The following ABCC8 variants were observed in gnomAD, a reference collection of about 807,000 sequenced individuals.
ABCC8 encodes ATP-binding cassette sub-family C member 8.
In ABCC8, 137 loss-of-function variants were observed where a neutral mutation model predicts 188.0. The ratio of observed to expected loss-of-function variants is 0.73; its 90% confidence interval spans 0.63 to 0.84. ABCC8 has a LOEUF of 0.84. Among genes scored for constraint, ABCC8 ranks in the 40% least tolerant of loss-of-function variants. The pLI is 0.00. For synonymous variants in ABCC8, 797 were observed against 846.5 expected (o/e 0.94, Z 1.01); for missense variants, 1,750 against 2,072.7 (o/e 0.84, Z 3.02).
At chr11:17,465,988 C>G (rs1190654401) in intron 3 of ABCC8, among the ~76,000 whole-genome samples, 1 of 152,116 alleles carries the variant, frequency 6.6e-6, no homozygotes, top group Non-Finnish European at 1.5e-5. Context: ...AATAGATAAA[C>G]AAAATGTGGC....
chr11:17,460,402 G>A, intron 6 of ABCC8, 86 bp downstream of exon 6: 2 of 1,596,296 alleles, frequency 1.3e-6, no homozygotes, highest in Admixed American at 1.7e-5. Context: ...GTGTGGCCAT[G>A]GCTCACACAC....
At chr11:17,405,901 GCCTGCCGGCTGGCTGA>G (rs1954493815) in intron 26 of ABCC8, among the ~76,000 whole-genome samples, 1 of 152,234 alleles carries the variant, frequency 6.6e-6, no homozygotes, top group East Asian at 1.9e-4. Context: ...CCTGGGGACA[GCCTGCCGGCTGGCTGA>G]CCCAGAGTCA....
intron 12 of ABCC8, 114 bp downstream of exon 12, chr11:17,430,700 C>T (rs1052263158): frequency 4.3e-5 from 54 of 1,245,844 alleles, no homozygotes; most frequent in Non-Finnish European, 6.2e-5. Flanking sequence ...CAAGGCCCAG[C>T]AATGGGGGTG....
chr11:17,431,800 G>A (rs7128339), intron 11 of ABCC8, among the ~76,000 whole-genome samples: 2,696 of 152,218 alleles, frequency 0.018, 93 homozygotes, highest in African/African-American at 0.063. Context: ...ACATATCATA[G>A]GCCTTAAAAA....
chr11:17,429,793 C>A (rs1591801887), intron 12 of ABCC8: 1 of 152,206 alleles, frequency 6.6e-6, no homozygotes, highest in Admixed American at 6.5e-5. Context: ...GTCAGCACAG[C>A]CGACTGTGGA....
At chr11:17,419,490 G>A (rs1054200714) in intron 16 of ABCC8, among the ~76,000 whole-genome samples, 4 of 152,262 alleles carry the variant, frequency 2.6e-5, no homozygotes, top group African/African-American at 9.6e-5. Context: ...TTGGGGAAAA[G>A]TAAACACAAA....
At chr11:17,457,218 T>G (rs1957027089) in intron 6 of ABCC8, among the ~76,000 whole-genome samples, 1 of 152,054 alleles carries the variant, frequency 6.6e-6, no homozygotes, top group African/African-American at 2.4e-5. Flanking sequence ...ATTAAGTCAC[T>G]CATAATGATA....
At chr11:17,454,280 G>A (rs1279143386) in intron 6 of ABCC8, among the ~76,000 whole-genome samples, 1 of 152,178 alleles carries the variant, frequency 6.6e-6, no homozygotes, top group Non-Finnish European at 1.5e-5. Context: ...TTGGATCAGA[G>A]CTTCCTGATG....
In ABCC8 at chr11:17,414,999, A is replaced by G. The variant is rs375723403; in HGVS notation, c.2291+305T>C. On this transcript the variant is annotated intron_variant, in intron 18 of 38. Coordinates refer to ENST00000389817, the MANE Select transcript of ABCC8 (RefSeq NM_000352.6). ...AGTCAGCAGGTAATTCTCCAAATGG[A>G]AGAACTTTTTTTTTTTTTTTTAAAA... Among the ~76,000 whole-genome samples, 33 of 150,040 alleles carry G rather than the reference A, an allele frequency of 2.2e-4. No homozygotes were observed. In the East Asian group the frequency reaches 3.3e-3, roughly 15 times the overall value.
rs1956640817 is a variant in ABCC8, at chr11:17,448,736, C to T, written c.1177-65G>A. ...CTCATCATCATCACCACACCAGATG[C>T]CACCTGTTACAGTGTGCCAGGGGCT... On this transcript the variant is annotated intron_variant, in intron 7 of 38. Transcript: ENST00000389817. 9.3e-6 allele frequency: 15 copies of T among 1,612,492 alleles called. No individual in the cohort carries two copies. The South Asian group carries it at 1.3e-4, about 14-fold the overall frequency.
chr11:17,400,078 G>A (rs992111753), intron 29 of ABCC8, among the ~76,000 whole-genome samples: 2 of 152,224 alleles, frequency 1.3e-5, no homozygotes, highest in Admixed American at 1.3e-4. Flanking sequence ...CAGGGGACAC[G>A]GAGGCACCCA....
At chr11:17,438,745 C>T (rs899325851) in intron 10 of ABCC8, among the ~76,000 whole-genome samples, 3 of 152,226 alleles carry the variant, frequency 2.0e-5, no homozygotes, top group African/African-American at 7.2e-5. Context: ...TTGCAAGGTA[C>T]AGCCCACATT....
chr11:17,462,585 A>G (rs1847891848), intron 4 of ABCC8, among the ~76,000 whole-genome samples: 1 of 152,248 alleles, frequency 6.6e-6, no homozygotes, highest in African/African-American at 2.4e-5. Flanking sequence ...CAATACATAA[A>G]TATATAAGTA....
intron 16 of ABCC8, among the ~76,000 whole-genome samples, chr11:17,420,749 T>C (rs1340664343): frequency 2.6e-5 from 4 of 152,232 alleles, no homozygotes; most frequent in African/African-American, 9.6e-5. Context: ...TGGTTCCTGC[T>C]GACCCCCCGG....
At chr11:17,403,134 G>A (rs1954332202) in intron 28 of ABCC8, among the ~76,000 whole-genome samples, 1 of 152,170 alleles carries the variant, frequency 6.6e-6, no homozygotes, top group African/African-American at 2.4e-5. Flanking sequence ...GCTGGCCAAA[G>A]GAACAGAAGA....
rs200528170 is a variant in ABCC8, at chr11:17,443,302, C to G, written c.1343G>C (p.Gly448Ala). The stretch of plus-strand genomic sequence containing the variant: ...GAGTATGTAGTAGAGGAGAATCACA[C>G]CCACAATGATCTGAGGAAGGGGTCA... ...LWAMPVQIIVGVILLYYILGV... is the reference protein window; with the variant it reads ...LWAMPVQIIVAVILLYYILGV... Residue 448 changes from glycine to alanine, a missense_variant, in exon 9 of 39, where the codon GGT (glycine) becomes GCT (alanine). Gly to Ala is a moderately conservative substitution (Grantham distance 60, BLOSUM62 0). Transcript: ENST00000389817. 6.2e-7 allele frequency: 1 copy of G among 1,613,970 alleles called. No individual in the cohort carries two copies. The highest frequency in any genetic ancestry group is 1.3e-5 in the African/African-American group (1 of 74,894).
intron 16 of ABCC8, among the ~76,000 whole-genome samples, chr11:17,426,309 A>C (rs1955580287): frequency 6.6e-6 from 1 of 152,252 alleles, no homozygotes; most frequent in Admixed American, 6.5e-5. Flanking sequence ...CCAACAGTGT[A>C]AAAGCGTTCC....
intron 29 of ABCC8, among the ~76,000 whole-genome samples, chr11:17,398,789 T>C (rs1425445440): frequency 6.6e-6 from 1 of 152,120 alleles, no homozygotes; most frequent in Non-Finnish European, 1.5e-5. Context: ...TGTCTCTCTC[T>C]AAAAGAGTCC....
At chr11:17,423,025 C>A (rs55644835) in intron 16 of ABCC8, among the ~76,000 whole-genome samples, 1 of 152,120 alleles carries the variant, frequency 6.6e-6, no homozygotes, top group Non-Finnish European at 1.5e-5. Flanking sequence ...TGTGGTTCCT[C>A]TGAGCTCTTC....
Sources: gnomAD v4.1 joint callset for allele counts (sites outside exome capture counted in the v4.1 genomes callset) on GRCh38, gnomAD v4.1.1 for gene constraint, MANE v1.5 for transcripts, NCBI Gene and HGNC (gene_info 2026-07-23, HGNC 2026-07-21) for gene names.